The following GALNT13 variants were observed in gnomAD, a reference collection of about 807,000 sequenced individuals.
GALNT13 encodes UDP-GalNAc:polypeptide N-acetylgalactosaminyltransferase 13.
A neutral mutation model predicts 64.2 loss-of-function variants in GALNT13; 28 were observed. The ratio of observed to expected loss-of-function variants is 0.44; its 90% CI spans 0.32 to 0.60. The LOEUF is 0.60. GALNT13 is among the 20% of genes least tolerant of loss of function. GALNT13 has a pLI of 0.05. For missense variants in GALNT13, 577 were observed against 669.8 expected (o/e 0.86, Z 1.53); for synonymous variants, 214 against 224.6 (o/e 0.95, Z 0.42).
rs1179803224 is a variant in GALNT13 at position 154,358,957 on chromosome 2, G to A, written c.1157-37034G>A. 2.6e-5 allele frequency among the ~76,000 whole-genome samples: 4 copies of A among 152,006 alleles called. No individual in the cohort carries two copies. In the East Asian group the frequency reaches 7.7e-4, roughly 29 times the overall value. ...TGTCTGAATAACTGTAATAAAATAG[G>A]ACAAAACAAATTTTGATGGGCAATT... On this transcript the variant is annotated intron_variant, in intron 9 of 12. Transcript: ENST00000392825.
At chr2:153,470,351 A>G in the GALNT13 span, among the ~76,000 whole-genome samples, 1 of 152,152 alleles carries the variant, frequency 6.6e-6, no homozygotes, top group African/African-American at 2.4e-5. Context: ...TCTCACCAGA[A>G]GGGTGTCACT....
the GALNT13 span, among the ~76,000 whole-genome samples, chr2:153,186,529 A>C: frequency 4.0e-5 from 6 of 151,062 alleles, no homozygotes; most frequent in Admixed American, 1.3e-4. Context: ...AGACTTGCTT[A>C]TGTGATTGCT....
At chr2:153,389,761 G>A in the GALNT13 span, among the ~76,000 whole-genome samples, 448 of 152,130 alleles carry the variant, frequency 2.9e-3, 10 homozygotes, top group East Asian at 0.047. Flanking sequence ...TGGAGAGAGC[G>A]CTGGGCTAGA....
At chr2:153,722,010 T>C in the GALNT13 span, among the ~76,000 whole-genome samples, 4 of 149,016 alleles carry the variant, frequency 2.7e-5, no homozygotes, top group Non-Finnish European at 5.9e-5. Context: ...ATACATTTTT[T>C]TCAGCACCAC....
At chr2:153,196,160 A>T in the GALNT13 span, among the ~76,000 whole-genome samples, 1 of 152,002 alleles carries the variant, frequency 6.6e-6, no homozygotes, top group East Asian at 1.9e-4. Flanking sequence ...TCTTGGGACT[A>T]GCAGCGCAAA....
chr2:153,478,359 C>G, the GALNT13 span: 1 of 1,614,166 alleles, frequency 6.2e-7, no homozygotes, highest in Non-Finnish European at 8.5e-7. Flanking sequence ...TGCCGAAGAC[C>G]ACGGTGAGTG....
At chr2:153,408,413 C>T in the GALNT13 span, among the ~76,000 whole-genome samples, 3 of 151,666 alleles carry the variant, frequency 2.0e-5, no homozygotes, top group East Asian at 1.9e-4. Context: ...GCAAAACCCA[C>T]GAAGAAGTAT....
At chr2:154,102,419 G>C (rs1300252062) in intron 3 of GALNT13, among the ~76,000 whole-genome samples, 1 of 152,114 alleles carries the variant, frequency 6.6e-6, no homozygotes, top group East Asian at 1.9e-4. Flanking sequence ...CTGACTACGT[G>C]ACAACTTTAG....
At chr2:154,077,743 A>G (rs1448745229) in intron 3 of GALNT13, among the ~76,000 whole-genome samples, 1 of 151,578 alleles carries the variant, frequency 6.6e-6, no homozygotes, top group African/African-American at 2.4e-5. Context: ...ACAGATTTTA[A>G]TGACATATTT....
the GALNT13 span, among the ~76,000 whole-genome samples, chr2:153,081,747 A>AT: frequency 2.0e-5 from 3 of 151,984 alleles, no homozygotes; most frequent in Non-Finnish European, 2.9e-5. Flanking sequence ...CATGTACCAC[A>AT]TTTTTTTTAA....
chr2:154,355,628 G>A lies in GALNT13; in HGVS notation c.1157-40363G>A, dbSNP rs185727707. ...AAGTAAGTCATTCATTATCATTACT[G>A]CTAATATGTGTAACTGATAACCCCA... On this transcript the variant is annotated intron_variant, in intron 9 of 12. Coordinates refer to ENST00000392825, the MANE Select transcript of GALNT13 (RefSeq NM_052917.4). 1.6e-4 allele frequency among the ~76,000 whole-genome samples: 24 copies of A among 152,138 alleles called. No homozygotes were observed. In the East Asian group the frequency reaches 3.3e-3, roughly 21 times the overall value.
chr2:153,847,400 GCACA>G, the GALNT13 span, among the ~76,000 whole-genome samples: 20 of 149,838 alleles, frequency 1.3e-4, no homozygotes, highest in East Asian at 4.0e-4. Context: ...GTGCTCATGC[GCACA>G]CACACACACA....
the GALNT13 span, among the ~76,000 whole-genome samples, chr2:153,401,207 T>C: frequency 6.6e-6 from 1 of 152,082 alleles, no homozygotes; most frequent in Non-Finnish European, 1.5e-5. Context: ...CAGGAGCAGG[T>C]TGTTCAGTTT....
intron 9 of GALNT13, among the ~76,000 whole-genome samples, chr2:154,352,241 A>G (rs1476535401): frequency 6.6e-6 from 1 of 152,178 alleles, no homozygotes; most frequent in Non-Finnish European, 1.5e-5. Flanking sequence ...TCTGTGCACT[A>G]ATAATAAAGC....
At chr2:153,113,972 A>C in the GALNT13 span, among the ~76,000 whole-genome samples, 1 of 152,122 alleles carries the variant, frequency 6.6e-6, no homozygotes, top group African/African-American at 2.4e-5. Flanking sequence ...GCCCATGATA[A>C]GAAGTTCTTC....
At chr2:154,076,478 A>G (rs981685440) in intron 3 of GALNT13, among the ~76,000 whole-genome samples, 15 of 151,834 alleles carry the variant, frequency 9.9e-5, no homozygotes, top group Admixed American at 3.3e-4. Flanking sequence ...ACTTACCCAT[A>G]CTGAGAGATT....
intron 4 of GALNT13, among the ~76,000 whole-genome samples, chr2:154,199,539 A>G (rs1363275688): frequency 6.6e-6 from 1 of 151,962 alleles, no homozygotes; most frequent in African/African-American, 2.4e-5. Context: ...TTAATTTTTT[A>G]TGTTCATGCA....
the GALNT13 span, among the ~76,000 whole-genome samples, chr2:153,216,845 T>A: frequency 1.3e-5 from 2 of 152,002 alleles, no homozygotes; most frequent in Admixed American, 1.3e-4. Flanking sequence ...TGGTCATGTT[T>A]TGGTGTAATA....
chr2:153,279,694 C>A, the GALNT13 span, among the ~76,000 whole-genome samples: 1 of 152,040 alleles, frequency 6.6e-6, no homozygotes, highest in African/African-American at 2.4e-5. Context: ...CAACCTTGCT[C>A]CCCAAGAATA....
Sources: allele counts gnomAD v4.1 joint callset (sites outside exome capture counted in the v4.1 genomes callset), GRCh38; gene constraint gnomAD v4.1.1; transcripts MANE v1.5; gene names NCBI Gene and HGNC (gene_info 2026-07-23, HGNC 2026-07-21).